The following LHX2 variants were observed in gnomAD, a reference collection of about 807,000 sequenced individuals.
The protein encoded by LHX2 is LIM/homeobox protein Lhx2.
In LHX2, 6 loss-of-function variants were observed where a neutral mutation model predicts 33.0. That is an observed-to-expected ratio of 0.18 (90% CI 0.10 to 0.36). LHX2 has a LOEUF of 0.36. Among genes scored for constraint, LHX2 ranks in the 10% least tolerant of loss-of-function variants. LHX2 has a pLI of 1.00. For missense variants in LHX2, 442 were observed against 586.2 expected (o/e 0.75, Z 2.54); for synonymous variants, 292 against 253.1 (o/e 1.15, Z -1.46).
At position 124,032,307 on chromosome 9, in the gene LHX2, C is replaced by T. The variant is rs1489309119; in HGVS notation, c.934-113C>T. ...TTGCCAACCTGACTTTTTGGATCCT[C>T]TTGGCAAAACACAGATCAGCGTCCC... On this transcript the variant is annotated intron_variant, in intron 4 of 4. Transcript: ENST00000373615. This position sits in a 1 kb window ranked among gnomAD's most constrained non-coding sequence, Gnocchi z 4.1. 19 of 1,313,340 alleles carry T rather than the reference C, an allele frequency of 1.4e-5. No individual in the cohort carries two copies. Among genetic ancestry groups the T allele is most frequent in the Middle Eastern group, 4.5e-4 (2 of 4,424 alleles). 81.4% of individuals were successfully genotyped at this position (1,313,340 alleles called of 1,614,324 possible).
chr9:124,026,968 G>C (rs1354790992), intron 4 of LHX2, among the ~76,000 whole-genome samples: 6 of 152,152 alleles, frequency 3.9e-5, no homozygotes. Flanking sequence ...TACCACCCAG[G>C]TGGGTGATAA....
intron 1 of LHX2, 114 bp from the exon 2 acceptor site, chr9:124,013,847 C>T (rs1217275870): frequency 1.1e-6 from 1 of 925,436 alleles, no homozygotes; most frequent in Non-Finnish European, 1.6e-6. Context: ...GCAGCCCCCT[C>T]CGCGTTCAGG....
intron 4 of LHX2, among the ~76,000 whole-genome samples, chr9:124,022,751 G>C (rs1353806766): frequency 6.6e-6 from 1 of 152,266 alleles, no homozygotes; most frequent in Non-Finnish European, 1.5e-5. Context: ...GGCGGGTGGA[G>C]GCTGTGACGC....
intron 3 of LHX2, 97 bp from the exon 4 acceptor site, chr9:124,021,002 A>G: frequency 9.5e-7 from 1 of 1,056,938 alleles, no homozygotes; most frequent in Middle Eastern, 2.1e-4. Flanking sequence ...CAGCAGGGTT[A>G]AGGATTGAAA....
intron 4 of LHX2, among the ~76,000 whole-genome samples, chr9:124,024,574 A>G (rs1820529637): frequency 6.6e-6 from 1 of 152,184 alleles, no homozygotes; most frequent in African/African-American, 2.4e-5. Context: ...TGAGAAGGAT[A>G]CCTTACTGGT....
intron 3 of LHX2, among the ~76,000 whole-genome samples, chr9:124,018,172 C>A (rs1859226268): frequency 6.6e-6 from 1 of 152,040 alleles, no homozygotes; most frequent in African/African-American, 2.4e-5. Flanking sequence ...TCAGTCCCAG[C>A]GACAAGAGCT....
chr9:124,012,158 C>T lies in LHX2; in HGVS notation c.-191C>T. Reference sequence around the variant, plus strand: ...CAATGTAGCTGCCCCTGCGCCTCGGCGGGAGGCGTCCTGCCCCGCGAGCGC... The same window carrying T: ...CAATGTAGCTGCCCCTGCGCCTCGGTGGGAGGCGTCCTGCCCCGCGAGCGC... On this transcript the variant is annotated 5_prime_UTR_variant, in exon 1 of 5. Coordinates refer to ENST00000373615, the MANE Select transcript of LHX2 (RefSeq NM_004789.4). This position sits in a 1 kb window ranked among gnomAD's most constrained non-coding sequence, Gnocchi z 4.3. 3.2e-6 allele frequency: 1 copy of T among 314,812 alleles called. No individual in the cohort carries two copies. Among genetic ancestry groups the T allele is most frequent in the Non-Finnish European group, 5.2e-6 (1 of 193,616 alleles). The allele number at this position is 314,812 out of a possible 1,614,324, so 19.5% of individuals were successfully genotyped here.
rs778015936 is a variant in LHX2, at chr9:124,012,964, C to A, written c.120+496C>A. The stretch of plus-strand genomic sequence containing the variant: ...GTTTCAGAGGCCGAAGTCTTCGGGG[C>A]CAACATTTGTCGTTGATCGCGTCCC... On this transcript the variant is annotated intron_variant, in intron 1 of 4. Transcript: ENST00000373615. This position sits in a 1 kb window ranked among gnomAD's most constrained non-coding sequence, Gnocchi z 4.3. Among the ~76,000 whole-genome samples the A allele has an allele frequency of 1.3e-5, 2 of 152,244 alleles. No homozygotes were observed. The highest frequency in any genetic ancestry group is 2.9e-5 in the Non-Finnish European group (2 of 68,048).
Position 124,021,090 on chromosome 9 carries a change from C to A in LHX2, c.728-9C>A, listed in dbSNP as rs1268332970. ...AAGTTCACCCACCGGCTCTGTGTCT[C>A]CTCCCTAGCGCTAAGCTGCAACGAA... On this transcript the variant is annotated splice_polypyrimidine_tract_variant and intron_variant, in intron 3 of 4. Coordinates refer to ENST00000373615, the MANE Select transcript of LHX2 (RefSeq NM_004789.4). The A allele has an allele frequency of 3.1e-6, 5 of 1,613,646 alleles. No individual in the cohort carries two copies. Among genetic ancestry groups the A allele is most frequent in the Non-Finnish European group, 4.2e-6 (5 of 1,179,848 alleles).
intron 3 of LHX2, among the ~76,000 whole-genome samples, chr9:124,020,162 C>T (rs1439667545): frequency 2.0e-5 from 3 of 152,166 alleles, no homozygotes; most frequent in African/African-American, 7.2e-5. Context: ...CGTTAGTTTC[C>T]ACATCTCTAA....
At chr9:124,031,829 C>T (rs915664828) in intron 4 of LHX2, 1 of 152,260 alleles carries the variant, frequency 6.6e-6, no homozygotes, top group African/African-American at 2.4e-5. Context: ...CCATACGTGG[C>T]TCGTGGCTGT....
Position 124,015,716 on chromosome 9 carries a change from G to A in LHX2, c.727+191G>A, listed in dbSNP as rs1270852665. On this transcript the variant is annotated intron_variant, in intron 3 of 4. Coordinates refer to ENST00000373615, the MANE Select transcript of LHX2 (RefSeq NM_004789.4). This position sits in a 1 kb window ranked among gnomAD's most constrained non-coding sequence, Gnocchi z 7.9. ...TCCTCGGCTGGAGCGGGAGGAGAGG[G>A]TGCAGTGGTCCCTTGCTGCTCCGGG... Among the ~76,000 whole-genome samples, 1 of 152,282 alleles carries A rather than the reference G, an allele frequency of 6.6e-6. No individual in the cohort carries two copies.
intron 3 of LHX2, among the ~76,000 whole-genome samples, chr9:124,020,702 A>T (rs1292021324): frequency 2.0e-5 from 3 of 152,148 alleles, no homozygotes; most frequent in Non-Finnish European, 4.4e-5. Flanking sequence ...TGCTCCTAGG[A>T]TTGTTTTAAG....
At chr9:124,025,546 A>C in intron 4 of LHX2, among the ~76,000 whole-genome samples, 1 of 152,080 alleles carries the variant, frequency 6.6e-6, no homozygotes, top group Non-Finnish European at 1.5e-5. Context: ...TTCCTGTGGA[A>C]GGGCCAGGGA....
rs1017030252 is a variant in LHX2, at chr9:124,021,372, G to A, written c.933+68G>A. On this transcript the variant is annotated intron_variant, in intron 4 of 4. Coordinates refer to ENST00000373615, the MANE Select transcript of LHX2 (RefSeq NM_004789.4). ...ACTGGGGTGGAACCCTGCACCCCTC[G>A]CCGTGGGCCTTGGAAGGACCTTCCA... 1.2e-5 allele frequency: 17 copies of A among 1,458,146 alleles called. No homozygotes were observed. The African/African-American group carries it at 1.3e-4, about 11-fold the overall frequency. 90.3% of individuals were successfully genotyped at this position (1,458,146 alleles called of 1,614,324 possible). A position where few individuals can be genotyped will look rare whatever the true frequency, so the allele number is the denominator to read the frequency against.
At chr9:124,026,829 T>G (rs2118776899) in intron 4 of LHX2, among the ~76,000 whole-genome samples, 1 of 152,328 alleles carries the variant, frequency 6.6e-6, no homozygotes, top group African/African-American at 2.4e-5. Flanking sequence ...CACAGAGACC[T>G]GACCTGCTGA....
chr9:124,024,560 G>A (rs1023244849), intron 4 of LHX2, among the ~76,000 whole-genome samples: 5 of 152,172 alleles, frequency 3.3e-5, no homozygotes, highest in Non-Finnish European at 5.9e-5. Context: ...CTATGAAATG[G>A]GGATGAGAAG....
At chr9:124,019,798 C>A (rs1008055442) in intron 3 of LHX2, among the ~76,000 whole-genome samples, 2 of 152,224 alleles carry the variant, frequency 1.3e-5, no homozygotes, top group Non-Finnish European at 2.9e-5. Flanking sequence ...CGAATGTACA[C>A]CCCTTATGAG....
rs1477232456 is a variant in LHX2, at chr9:124,015,473, G to A, written c.675G>A (p.Pro225=). 2.0e-6 allele frequency: 3 copies of A among 1,503,546 alleles called. No individual in the cohort carries two copies. Among genetic ancestry groups the A allele is most frequent in the Middle Eastern group, 1.9e-4 (1 of 5,318 alleles). 93.1% of individuals were successfully genotyped at this position (1,503,546 alleles called of 1,614,324 possible). Residue 225 remains proline, a synonymous_variant, in exon 3 of 5, where the codon CCG becomes CCA. Transcript: ENST00000373615. This position sits in a 1 kb window ranked among gnomAD's most constrained non-coding sequence, Gnocchi z 7.9. ...TGGGCACTGTGCAGAAGGGGCGGCCGAGGAAACGTAAGAGCCCGGGCCCCG... is the reference window on the plus strand; with the variant it reads ...TGGGCACTGTGCAGAAGGGGCGGCCAAGGAAACGTAAGAGCCCGGGCCCCG... The part of the protein sequence containing the change: ...NGVGTVQKGR[P]RKRKSPGPGA...
Sources: allele counts gnomAD v4.1 joint callset (sites outside exome capture counted in the v4.1 genomes callset), GRCh38; gene constraint gnomAD v4.1.1; non-coding constraint Gnocchi (gnomAD v3.1); transcripts MANE v1.5; gene names NCBI Gene and HGNC (gene_info 2026-07-23, HGNC 2026-07-21).